Variants in SERPINB12 observed in about 807,000 individuals in gnomAD.
The protein encoded by SERPINB12 is serpin family B member 12.
A neutral mutation model predicts 41.1 loss-of-function variants in SERPINB12; 57 were observed. The ratio of observed to expected loss-of-function variants is 1.39; its 90% CI spans 1.12 to 1.73. The LOEUF is 1.73. Among genes scored for constraint, SERPINB12 ranks in the 40% most tolerant of loss-of-function variants. The pLI, the probability that SERPINB12 is intolerant of heterozygous loss-of-function variation, is 0.00. For missense variants in SERPINB12, 536 were observed against 501.9 expected, an observed-to-expected ratio of 1.07 and a Z score of -0.65; for synonymous variants, 180 against 181.3, an observed-to-expected ratio of 0.99 and a Z score of 0.06.
intron 5 of SERPINB12, 81 bp from the exon 6 acceptor site, chr18:63,563,895 TCA>T (rs770221310): frequency 8.3e-7 from 1 of 1,211,936 alleles, no homozygotes; most frequent in Admixed American, 2.7e-5. Flanking sequence ...AAACTCTGTC[TCA>T]AAAAAAAAAA....
At chr18:63,528,611 CAT>C in the SERPINB12 span, among the ~76,000 whole-genome samples, 7 of 152,034 alleles carry the variant, frequency 4.6e-5, no homozygotes, top group Admixed American at 1.3e-4. Flanking sequence ...AATTTACAGA[CAT>C]GTGTGGCCAA....
chr18:63,537,105 A>G, the SERPINB12 span, among the ~76,000 whole-genome samples: 1 of 152,230 alleles, frequency 6.6e-6, no homozygotes, highest in African/African-American at 2.4e-5. Context: ...TATGTTATCA[A>G]GAGAAGATTA....
At chr18:63,546,987 G>A (rs920792292) in intron 1 of SERPINB12, among the ~76,000 whole-genome samples, 1 of 152,166 alleles carries the variant, frequency 6.6e-6, no homozygotes, top group Non-Finnish European at 1.5e-5. Flanking sequence ...TTTTAACAAT[G>A]AACACTGAAT....
the SERPINB12 span, among the ~76,000 whole-genome samples, chr18:63,526,902 G>T: frequency 6.6e-6 from 1 of 152,106 alleles, no homozygotes; most frequent in Admixed American, 6.6e-5. Context: ...AGGCCATATC[G>T]TATTGCCTGT....
At chr18:63,533,347 CTA>C in the SERPINB12 span, among the ~76,000 whole-genome samples, 1 of 152,174 alleles carries the variant, frequency 6.6e-6, no homozygotes, top group African/African-American at 2.4e-5. Flanking sequence ...TGAATCCTGA[CTA>C]TGATATTCAA....
intron 1 of SERPINB12, among the ~76,000 whole-genome samples, chr18:63,548,324 G>A (rs574920438): frequency 5.8e-4 from 88 of 152,182 alleles, no homozygotes; most frequent in African/African-American, 2.0e-3. Context: ...ATTTAAAAAT[G>A]TATCTTCAAA....
intron 3 of SERPINB12, among the ~76,000 whole-genome samples, chr18:63,559,145 GC>G (rs1445408599): frequency 2.7e-4 from 40 of 149,200 alleles, no homozygotes; most frequent in Admixed American, 2.4e-3. Flanking sequence ...TCGTTGTGTT[GC>G]CAGGCTGGAG....
At chr18:63,566,509 C>T in intron 7 of SERPINB12, 98 bp from the exon 8 acceptor site, 1 of 1,058,164 alleles carries the variant, frequency 9.5e-7, no homozygotes, top group Non-Finnish European at 1.4e-6. Context: ...TGAAGGTTGT[C>T]ACTGCCCACT....
At position 63,568,627 on chromosome 18, in the gene SERPINB12, T is replaced by A. The variant is rs1307043544; in HGVS notation, c.*1616T>A. On this transcript the variant is annotated 3_prime_UTR_variant, in exon 8 of 8. Coordinates refer to ENST00000382768, the MANE Select transcript of SERPINB12 (RefSeq NM_001307928.2). ...ATCTCTTTGGAGTCAGTCTCTTTCC[T>A]ATCGAGGTGGGTTTCAGGTCTTGCT... Among the ~76,000 whole-genome samples the A allele has an allele frequency of 6.6e-6, 1 of 152,166 alleles. No individual in the cohort carries two copies. Among genetic ancestry groups the A allele is most frequent in the Non-Finnish European group, 1.5e-5 (1 of 68,038 alleles).
upstream of SERPINB12, among the ~76,000 whole-genome samples, chr18:63,539,596 C>G (rs559320590): frequency 6.6e-6 from 1 of 152,064 alleles, no homozygotes; most frequent in Non-Finnish European, 1.5e-5. Context: ...CACCCCACCC[C>G]GCCTGCTTTC....
chr18:63,565,387 A>G (rs878933705), intron 6 of SERPINB12, 58 bp from the exon 7 acceptor site: 9 of 1,509,548 alleles, frequency 6.0e-6, no homozygotes, highest in South Asian at 5.0e-5. Flanking sequence ...AGCTGGGGCC[A>G]TATGAATTTG....
chr18:63,546,313 C>G (rs1052002653), intron 1 of SERPINB12, among the ~76,000 whole-genome samples: 1 of 152,162 alleles, frequency 6.6e-6, no homozygotes, highest in African/African-American at 2.4e-5. Flanking sequence ...TATCCACTGA[C>G]CCTCATGTTT....
the SERPINB12 span, among the ~76,000 whole-genome samples, chr18:63,520,166 G>C: frequency 6.6e-6 from 1 of 152,112 alleles, no homozygotes; most frequent in Admixed American, 6.6e-5. Context: ...TTTTCCTTTC[G>C]GTTGGGCCTA....
At chr18:63,526,221 T>C in the SERPINB12 span, among the ~76,000 whole-genome samples, 2 of 152,204 alleles carry the variant, frequency 1.3e-5, no homozygotes, top group Non-Finnish European at 2.9e-5. Context: ...TGAAAGCTAT[T>C]ACATACACAC....
At chr18:63,563,896 C>CA (rs72103593) in intron 5 of SERPINB12, 82 bp from the exon 6 acceptor site, 21,937 of 1,033,882 alleles carry the variant, frequency 0.021, 95 homozygotes, top group African/African-American at 0.094. Context: ...AACTCTGTCT[C>CA]AAAAAAAAAA....
At chr18:63,553,701 A>G (rs926307585) in intron 1 of SERPINB12, among the ~76,000 whole-genome samples, 4 of 152,196 alleles carry the variant, frequency 2.6e-5, no homozygotes, top group Admixed American at 1.3e-4. Context: ...TTTAAAAAAT[A>G]TTAGACTACA....
chr18:63,538,771 G>A (rs186080865), upstream of SERPINB12, among the ~76,000 whole-genome samples: 4 of 152,232 alleles, frequency 2.6e-5, no homozygotes, highest in East Asian at 7.7e-4. Flanking sequence ...CTGCCAGACT[G>A]TTTTCCAAAG....
intron 3 of SERPINB12, among the ~76,000 whole-genome samples, chr18:63,558,926 A>C (rs7230508): frequency 0.66 from 99,399 of 151,672 alleles, 33,407 homozygotes; most frequent in Middle Eastern, 0.74. Context: ...GAAAGATATT[A>C]TCCAGGGTAT....
rs534052662 is a variant in SERPINB12, at chr18:63,561,119, C to A, written c.479C>A (p.Thr160Lys). The change falls in exon 5 of 8, where the codon ACG (threonine) becomes AAG (lysine). Residue 160 changes from threonine (T) to lysine (K), a missense_variant. Thr to Lys is a moderately conservative substitution (Grantham distance 78). Coordinates refer to ENST00000382768, the MANE Select transcript of SERPINB12 (RefSeq NM_001307928.2). ...YLDGVIQFYHTTIESVDFQKN... is the reference protein window; with the variant it reads ...YLDGVIQFYHKTIESVDFQKN... ...GATGGTGTGATTCAATTTTACCACA[C>A]GACGATTGAAAGTGTTGATTTCCAA... 4.3e-6 allele frequency: 7 copies of A among 1,612,218 alleles called. No homozygotes were observed. The highest frequency in any genetic ancestry group is 5.9e-6 in the Non-Finnish European group (7 of 1,178,540).
Sources: allele counts gnomAD v4.1 joint callset (sites outside exome capture counted in the v4.1 genomes callset), GRCh38; gene constraint gnomAD v4.1.1; transcripts MANE v1.5; gene names NCBI Gene and HGNC (gene_info 2026-07-23, HGNC 2026-07-21).